Variants in AP3D1 observed in about 807,000 individuals in gnomAD.
AP3D1 encodes the protein adaptor related protein complex 3 subunit delta 1.
In AP3D1, 51 loss-of-function variants were observed where a neutral mutation model predicts 147.6. The observed-to-expected ratio is 0.35, with a 90% CI of 0.28 to 0.44. The LOEUF (loss-of-function observed/expected upper bound fraction) is 0.44, where lower values mean the gene tolerates loss of function less well. Among genes scored for constraint, AP3D1 ranks in the 20% least tolerant of loss-of-function variants. AP3D1 has a pLI of 1.00. For missense variants in AP3D1, 1,421 were observed against 1,624.2 expected (o/e 0.87, Z 2.15); for synonymous variants, 760 against 663.0 (o/e 1.15, Z -2.25).
Position 2,116,584 on chromosome 19 carries a change from C to T in AP3D1, c.2001+21G>A, listed in dbSNP as rs373085049. On this transcript the variant is annotated intron_variant, in intron 17 of 31. Transcript: ENST00000643116. ...CAGGAGGGAGGAGACGAGGGCTCGC[C>T]AGGGGCAGCCAGCAGCTCACCCGAG... The T allele has an allele frequency of 3.8e-6, 6 of 1,566,574 alleles. No homozygotes were observed. In the African/African-American group the frequency reaches 6.8e-5, roughly 18 times the overall value.
chr19:2,111,717 G>T lies in AP3D1; in HGVS notation c.2899C>A (p.Pro967Thr), dbSNP rs751622663. ...TCCTCTGGCGCGCCATTCTGCACCG[G>T]CTCCCCCGCTGCCTCCTCGCTGCCT... is the stretch of plus-strand genomic sequence containing the variant. ...PPGSEEAAGE[P>T]VQNGAPEEEQ... Residue 967 changes from proline to threonine, a missense_variant, in exon 25 of 32, where the codon CCG (proline) becomes ACG (threonine). Pro to Thr is a conservative substitution (Grantham distance 38). Transcript: ENST00000643116. The T allele has an allele frequency of 1.2e-5, 20 of 1,602,152 alleles. No individual in the cohort carries two copies. The highest frequency in any genetic ancestry group is 1.6e-5 in the Non-Finnish European group (19 of 1,175,294).
chr19:2,116,707 G>A lies in AP3D1; in HGVS notation c.1899C>T (p.Asp633=), dbSNP rs1452464804. Residue 633 remains aspartate, a synonymous_variant, in exon 17 of 32, where the codon GAC becomes GAT. Coordinates refer to ENST00000643116, the MANE Select transcript of AP3D1 (RefSeq NM_001261826.3). ...LDAWINEPLS[D]SESEDERPRA... The stretch of plus-strand genomic sequence containing the variant: ...TGGGCCTCTCGTCCTCTGACTCGCT[G>A]TCCGAGAGTGGCTCATTGATCCAGG... 1.9e-6 allele frequency: 3 copies of A among 1,611,600 alleles called. No homozygotes were observed. The African/African-American group carries it at 4.0e-5, about 22-fold the overall frequency.
intron 17 of AP3D1, 142 bp downstream of exon 17, chr19:2,116,463 T>C: frequency 7.8e-7 from 1 of 1,274,332 alleles, no homozygotes; most frequent in Admixed American, 2.7e-5. Context: ...AAGGAATCGC[T>C]AACGCTCTGG....
chr19:2,112,297 G>C (rs1285384541), intron 24 of AP3D1: 2 of 190,180 alleles, frequency 1.1e-5, no homozygotes. Context: ...GTCAGCAGAG[G>C]GTGACCTGTC....
chr19:2,110,574 G>T, intron 27 of AP3D1, 133 bp downstream of exon 27: 1 of 960,630 alleles, frequency 1.0e-6, no homozygotes, highest in Non-Finnish European at 1.5e-6. Context: ...ACACTCAGGA[G>T]GTACTGAGGT....
At chr19:2,133,058 T>C (rs965387728) in intron 4 of AP3D1, among the ~76,000 whole-genome samples, 1 of 152,144 alleles carries the variant, frequency 6.6e-6, no homozygotes, top group African/African-American at 2.4e-5. Context: ...AGCAGAGCGT[T>C]CCAGGCCTAA....
intron 4 of AP3D1, among the ~76,000 whole-genome samples, chr19:2,134,867 C>T (rs926940091): frequency 6.6e-6 from 1 of 151,000 alleles, no homozygotes; most frequent in African/African-American, 2.4e-5. Flanking sequence ...TCCCAAAATG[C>T]TGGGATTACA....
intron 26 of AP3D1, 114 bp downstream of exon 26, chr19:2,111,171 A>T: frequency 7.5e-7 from 1 of 1,340,424 alleles, no homozygotes; most frequent in Non-Finnish European, 1.0e-6. Context: ...CAGGAATCAC[A>T]GGCCCTGGGT....
At chr19:2,148,150 A>G (rs917528953) in intron 1 of AP3D1, among the ~76,000 whole-genome samples, 1 of 150,938 alleles carries the variant, frequency 6.6e-6, no homozygotes, top group Non-Finnish European at 1.5e-5. Context: ...CCGTCTCAAA[A>G]AAAAAAAAAA....
chr19:2,107,507 G>A (rs2018144814), intron 31 of AP3D1, among the ~76,000 whole-genome samples: 4 of 151,772 alleles, frequency 2.6e-5, no homozygotes, highest in South Asian at 2.1e-4. Flanking sequence ...TTGGGAGGCC[G>A]AGGCGGGCAG....
intron 1 of AP3D1, among the ~76,000 whole-genome samples, chr19:2,150,755 G>A (rs1002576328): frequency 1.3e-5 from 2 of 152,370 alleles, no homozygotes; most frequent in East Asian, 3.9e-4. Flanking sequence ...CGGTCTCCCG[G>A]GGAGGGTCCG....
chr19:2,129,116 G>A lies in AP3D1; in HGVS notation c.780C>T (p.Ile260=), dbSNP rs370083628. ...TGTGGATGAGATTGGTGAGGGGCTCGATCAGCTTCTTGCCCAGCCGCGGTT... is the reference window on the plus strand; with the variant it reads ...TGTGGATGAGATTGGTGAGGGGCTCAATCAGCTTCTTGCCCAGCCGCGGTT... ...PLEPRLGKKL[I]EPLTNLIHST... The change falls in exon 8 of 32, where the codon ATC becomes ATT. Residue 260 remains isoleucine (I), a synonymous_variant. Transcript: ENST00000643116. The A allele has an allele frequency of 1.1e-4, 174 of 1,593,076 alleles. No individual in the cohort carries two copies. Among genetic ancestry groups the A allele is most frequent in the African/African-American group, 4.3e-4 (32 of 74,802 alleles).
intron 1 of AP3D1, among the ~76,000 whole-genome samples, chr19:2,141,430 G>A (rs74554060): frequency 9.3e-4 from 141 of 150,982 alleles, no homozygotes; most frequent in African/African-American, 3.3e-3. Flanking sequence ...AAAACTCCCT[G>A]GGGTACTTTT....
intron 6 of AP3D1, among the ~76,000 whole-genome samples, chr19:2,130,181 GC>G (rs368748387): frequency 3.7e-4 from 56 of 152,268 alleles, no homozygotes; most frequent in African/African-American, 1.3e-3. Context: ...TCAGGGACAC[GC>G]CAGACTCACC....
intron 1 of AP3D1, among the ~76,000 whole-genome samples, chr19:2,145,028 G>A (rs1191873358): frequency 2.0e-5 from 3 of 152,304 alleles, no homozygotes; most frequent in East Asian, 1.9e-4. Context: ...ATCACTGCAC[G>A]TTTGTAAATA....
At chr19:2,115,474 G>A (rs1013429584) in intron 19 of AP3D1, 56 bp from the exon 20 acceptor site, 3 of 1,608,108 alleles carry the variant, frequency 1.9e-6, no homozygotes, top group Admixed American at 1.7e-5. Flanking sequence ...CTCACGGGGA[G>A]GGCGGCGGGA....
At chr19:2,141,289 A>G (rs1036241296) in intron 1 of AP3D1, among the ~76,000 whole-genome samples, 1 of 152,068 alleles carries the variant, frequency 6.6e-6, no homozygotes, top group Non-Finnish European at 1.5e-5. Flanking sequence ...TGAGATACTA[A>G]AACAATGATG....
chr19:2,143,716 G>A (rs111329671), intron 1 of AP3D1, among the ~76,000 whole-genome samples: 1 of 152,014 alleles, frequency 6.6e-6, no homozygotes, highest in African/African-American at 2.4e-5. Flanking sequence ...GTAGGGGGCC[G>A]CGATCGCACC....
intron 31 of AP3D1, among the ~76,000 whole-genome samples, chr19:2,103,645 A>T (rs2018021690): frequency 6.6e-6 from 1 of 152,170 alleles, no homozygotes; most frequent in Admixed American, 6.5e-5. Flanking sequence ...CACTGACAGG[A>T]GAGGCTGGGC....
Sources: allele counts gnomAD v4.1 joint callset (sites outside exome capture counted in the v4.1 genomes callset), GRCh38; gene constraint gnomAD v4.1.1; transcripts MANE v1.5; gene names NCBI Gene and HGNC (gene_info 2026-07-23, HGNC 2026-07-21).